Variants in AMZ2 observed in about 807,000 individuals in gnomAD.
AMZ2 encodes the protein archaelysin family metallopeptidase 2.
AMZ2 carries 26 observed loss-of-function variants against 36.7 expected under a neutral mutation model. The ratio of observed to expected loss-of-function variants is 0.71; its 90% CI spans 0.52 to 0.98. The LOEUF (loss-of-function observed/expected upper bound fraction) is 0.98. AMZ2 is among the 50% of genes least tolerant of loss of function. The pLI is 0.00. For synonymous variants in AMZ2, 144 were observed against 149.1 expected, an observed-to-expected ratio of 0.97 and a Z score of 0.25; for missense variants, 394 against 430.5, an observed-to-expected ratio of 0.92 and a Z score of 0.75.
chr17:68,234,158 CCT>C (rs1326980634), intron 1 of AMZ2, among the ~76,000 whole-genome samples: 2 of 151,854 alleles, frequency 1.3e-5, no homozygotes, highest in African/African-American at 2.4e-5. Context: ...ATGGAGAACC[CCT>C]GTTTCTACTT....
intron 1 of AMZ2, among the ~76,000 whole-genome samples, chr17:68,228,964 C>T (rs1161982611): frequency 2.6e-5 from 4 of 152,262 alleles, no homozygotes; most frequent in African/African-American, 4.8e-5. Context: ...GCCCTGAAGT[C>T]AGCCCCTCTG....
intron 1 of AMZ2, among the ~76,000 whole-genome samples, chr17:68,226,323 C>T (rs782483908): frequency 2.6e-5 from 4 of 152,164 alleles, no homozygotes; most frequent in Admixed American, 2.6e-4. Context: ...CTGACTCTAA[C>T]GTGGTTAGAA....
intron 1 of AMZ2, among the ~76,000 whole-genome samples, chr17:68,237,662 C>T (rs11867796): frequency 0.24 from 36,028 of 152,072 alleles, 4,985 homozygotes; most frequent in African/African-American, 0.38. Context: ...TCGGCTGGCA[C>T]CTGCATTTAG....
At position 68,223,699 on chromosome 17, in the gene AMZ2, C is replaced by G. The variant is rs1253766316; in HGVS notation, c.-67+17461C>G. 8.7e-5 allele frequency among the ~76,000 whole-genome samples: 13 copies of G among 149,830 alleles called. 1 individual carries two copies. Among genetic ancestry groups the G allele is most frequent in the Admixed American group, 4.7e-4 (7 of 15,048 alleles). On this transcript the variant is annotated intron_variant, in intron 1 of 7. Transcript: ENST00000674770. The stretch of plus-strand genomic sequence containing the variant: ...GGATTACAGGTGCCTGCCACCATGC[C>G]TGGCTAATTTTTTTGTTGTTTGTTT...
In AMZ2 at chr17:68,240,784, T is replaced by C. The variant is rs577577254; in HGVS notation, c.-66-7856T>C. On this transcript the variant is annotated intron_variant, in intron 1 of 7. Transcript: ENST00000674770. ...GGCATTGAACATCTCAGTAGCAACATTGGAAGTCAGAAGAAACTGGAGCAA... is the reference window on the plus strand; with the variant it reads ...GGCATTGAACATCTCAGTAGCAACACTGGAAGTCAGAAGAAACTGGAGCAA... Among the ~76,000 whole-genome samples the C allele has an allele frequency of 1.4e-4, 21 of 152,258 alleles. No individual in the cohort carries two copies. In the East Asian group the frequency reaches 3.3e-3, roughly 24 times the overall value.
At chr17:68,226,204 C>A (rs1251800873) in intron 1 of AMZ2, among the ~76,000 whole-genome samples, 1 of 152,048 alleles carries the variant, frequency 6.6e-6, no homozygotes, top group East Asian at 1.9e-4. Flanking sequence ...ACAAAGGAGT[C>A]AAAACTGCAG....
rs782024612 is a variant in AMZ2 at position 68,250,216 on chromosome 17, C to T, written c.29C>T (p.Thr10Ile). 6.2e-7 allele frequency: 1 copy of T among 1,614,082 alleles called. No individual in the cohort carries two copies. Among genetic ancestry groups the T allele is most frequent in the South Asian group, 1.1e-5 (1 of 91,070 alleles). The change falls in exon 2 of 7, where the codon ACA becomes ATA. Residue 10 changes from threonine to isoleucine, a missense_variant. By Grantham distance (89) the Thr-to-Ile change is moderately conservative. Transcript: ENST00000359904. ...CAAATAATACGGCACTCCGAACAGACACTAAAAACAGCTCTCATCTCAAAG... is the reference window on the plus strand; with the variant it reads ...CAAATAATACGGCACTCCGAACAGATACTAAAAACAGCTCTCATCTCAAAG... The part of the protein sequence containing the change: MQIIRHSEQ[T>I]LKTALISKNP...
At chr17:68,255,532 TG>T (rs2074834071) in intron 5 of AMZ2, among the ~76,000 whole-genome samples, 167 bp from the exon 6 acceptor site, 1 of 152,126 alleles carries the variant, frequency 6.6e-6, no homozygotes, top group African/African-American at 2.4e-5. Flanking sequence ...GTAAGACATT[TG>T]GGGAAATGAG....
chr17:68,235,336 C>T lies in AMZ2; in HGVS notation c.-66-13304C>T, dbSNP rs374056470. The stretch of plus-strand genomic sequence containing the variant: ...CAGTTGAAAGGAGCTGTTCCCATGT[C>T]TTATTTAATTCTCTCATTAAGCCTG... On this transcript the variant is annotated intron_variant, in intron 1 of 7. Coordinates refer to the AMZ2 transcript ENST00000674770. The surrounding 1 kb of genome is among the most constrained non-coding windows in gnomAD (Gnocchi z 4.2). 6.6e-6 allele frequency among the ~76,000 whole-genome samples: 1 copy of T among 152,142 alleles called. No individual in the cohort carries two copies. Among genetic ancestry groups the T allele is most frequent in the Non-Finnish European group, 1.5e-5 (1 of 68,010 alleles).
upstream of AMZ2, chr17:68,247,488 C>T (rs80015002): frequency 0.06 from 20,538 of 341,958 alleles, 841 homozygotes; most frequent in African/African-American, 0.14. Flanking sequence ...CCTCAGCATC[C>T]GGGTTTCGGC....
At chr17:68,247,616 C>G (rs2074085909), upstream of AMZ2, 1 of 984,626 alleles carries the variant, frequency 1.0e-6, no homozygotes, top group Middle Eastern at 5.2e-4. Context: ...CCCCGGGGAG[C>G]GCTGCGGCTC....
intron 1 of AMZ2, chr17:68,249,248 T>C (rs1238699983): frequency 6.1e-6 from 2 of 326,540 alleles, no homozygotes; most frequent in Non-Finnish European, 1.0e-5. Flanking sequence ...TTATTTGATG[T>C]TGAAGATCTT....
chr17:68,253,076 C>G (rs1371115019), intron 4 of AMZ2, among the ~76,000 whole-genome samples: 1 of 152,054 alleles, frequency 6.6e-6, no homozygotes, highest in Non-Finnish European at 1.5e-5. Context: ...TAAAGTGAGA[C>G]GCATTGACTA....
intron 1 of AMZ2, among the ~76,000 whole-genome samples, chr17:68,221,080 A>C (rs534817864): frequency 6.6e-6 from 1 of 151,630 alleles, no homozygotes; most frequent in South Asian, 2.1e-4. Flanking sequence ...CACTGTGCCC[A>C]GCTGTTTCTT....
rs77499592 is a variant in AMZ2 at position 68,238,372 on chromosome 17, C to T, written c.-66-10268C>T. Among the ~76,000 whole-genome samples the T allele has an allele frequency of 7.6e-4, 116 of 152,260 alleles. 1 individual carries two copies. The East Asian group carries it at 0.019, about 25-fold the overall frequency. On this transcript the variant is annotated intron_variant, in intron 1 of 7. Transcript: ENST00000674770. ...TGACCAGGGACTTTCTTCCTCCCCT[C>T]ATTCGAACTTTCTTAGCTCCCACTC...
chr17:68,210,300 C>G (rs548295990), intron 1 of AMZ2, among the ~76,000 whole-genome samples: 1 of 152,342 alleles, frequency 6.6e-6, no homozygotes, highest in East Asian at 1.9e-4. Context: ...TGTGCATTAA[C>G]TGATGAATGG....
chr17:68,255,124 C>T (rs1294950981), intron 5 of AMZ2, among the ~76,000 whole-genome samples: 1 of 152,220 alleles, frequency 6.6e-6, no homozygotes. Context: ...ACAGCTACAC[C>T]TCTGAGAACT....
At chr17:68,251,937 T>C (rs1555740041) in intron 4 of AMZ2, among the ~76,000 whole-genome samples, 2 of 152,194 alleles carry the variant, frequency 1.3e-5, no homozygotes, top group Non-Finnish European at 2.9e-5. Flanking sequence ...ATTTGAGATA[T>C]GTAATAAACC....
intron 1 of AMZ2, among the ~76,000 whole-genome samples, chr17:68,218,897 G>A (rs1441139410): frequency 1.3e-5 from 2 of 152,072 alleles, no homozygotes; most frequent in Non-Finnish European, 2.9e-5. Flanking sequence ...CATTCCCACT[G>A]TCCCTCCGTG....
Sources: allele counts gnomAD v4.1 joint callset (sites outside exome capture counted in the v4.1 genomes callset), GRCh38; gene constraint gnomAD v4.1.1; non-coding constraint Gnocchi (gnomAD v3.1); transcripts MANE v1.5; gene names NCBI Gene and HGNC (gene_info 2026-07-23, HGNC 2026-07-21).